The following FRMD4A variants were observed in gnomAD, a reference collection of about 807,000 sequenced individuals.
FRMD4A encodes the protein FERM domain-containing protein 4A.
Under a neutral mutation model 129.1 loss-of-function variants are expected in FRMD4A, and 29 were observed. The ratio of observed to expected loss-of-function variants is 0.22; its 90% CI spans 0.17 to 0.31. The LOEUF (loss-of-function observed/expected upper bound fraction) is 0.31. FRMD4A is among the 10% of genes least tolerant of loss of function. The pLI, the probability that FRMD4A is intolerant of heterozygous loss-of-function variation, is 1.00. For synonymous variants in FRMD4A, 634 were observed against 571.6 expected, an observed-to-expected ratio of 1.11 and a Z score of -1.56; for missense variants, 1,272 against 1,375.8, an observed-to-expected ratio of 0.92 and a Z score of 1.19.
At chr10:13,763,640 T>C (rs770607803) in intron 6 of FRMD4A, among the ~76,000 whole-genome samples, 1 of 152,224 alleles carries the variant, frequency 6.6e-6, no homozygotes, top group Non-Finnish European at 1.5e-5. Context: ...CTTAAACCTC[T>C]CCTTGGTTTT....
chr10:14,031,556 C>A (rs2131662455), intron 2 of FRMD4A, among the ~76,000 whole-genome samples: 1 of 152,298 alleles, frequency 6.6e-6, no homozygotes, highest in African/African-American at 2.4e-5. Flanking sequence ...GCACACCCAG[C>A]CTTACAGATG....
At chr10:13,857,751 A>G (rs2094233746) in intron 3 of FRMD4A, among the ~76,000 whole-genome samples, 1 of 152,222 alleles carries the variant, frequency 6.6e-6, no homozygotes, top group South Asian at 2.1e-4. Context: ...AATGAGACAC[A>G]ATGCTCTAGG....
intron 2 of FRMD4A, among the ~76,000 whole-genome samples, chr10:14,304,075 T>A (rs1269522818): frequency 2.0e-5 from 3 of 152,220 alleles, no homozygotes; most frequent in Admixed American, 1.3e-4. Context: ...TTGGCCACTA[T>A]GAATAATGCT....
chr10:14,121,582 T>G (rs1017637416), intron 2 of FRMD4A, among the ~76,000 whole-genome samples: 1 of 151,470 alleles, frequency 6.6e-6, no homozygotes, highest in African/African-American at 2.4e-5. Context: ...CACTGAGAGG[T>G]GTGAAAGGGC....
intron 2 of FRMD4A, among the ~76,000 whole-genome samples, chr10:14,226,141 G>C (rs1442753203): frequency 3.3e-5 from 5 of 152,140 alleles, no homozygotes; most frequent in Admixed American, 3.3e-4. Flanking sequence ...TTTACTTTAA[G>C]TTCTTGATAC....
At chr10:13,654,731 CCATTTTCTACCCACTA>C (rs2081991646) in intron 22 of FRMD4A, 1 of 568,924 alleles carries the variant, frequency 1.8e-6, no homozygotes, top group Admixed American at 3.2e-5. Flanking sequence ...CCCACCCATT[CCATTTTCTACCCACTA>C]CCATGCACCT....
chr10:14,181,379 C>G (rs191737908), intron 2 of FRMD4A, among the ~76,000 whole-genome samples: 1 of 152,114 alleles, frequency 6.6e-6, no homozygotes, highest in East Asian at 1.9e-4. Flanking sequence ...AGATCGCTGC[C>G]CCGTGTTTGC....
At chr10:13,971,832 TC>T (rs1416469782) in intron 2 of FRMD4A, 16 of 1,303,980 alleles carry the variant, frequency 1.2e-5, no homozygotes, top group Non-Finnish European at 1.5e-5. Flanking sequence ...AACCCTCTGG[TC>T]CCTGGCCCCA....
intron 6 of FRMD4A, among the ~76,000 whole-genome samples, chr10:13,781,119 A>G (rs1396085501): frequency 6.6e-6 from 1 of 151,962 alleles, no homozygotes; most frequent in Admixed American, 6.6e-5. Context: ...CCTGGCCAAC[A>G]TGGTGAAACC....
At chr10:14,134,038 G>T (rs1208498812) in intron 2 of FRMD4A, among the ~76,000 whole-genome samples, 1 of 152,142 alleles carries the variant, frequency 6.6e-6, no homozygotes, top group East Asian at 1.9e-4. Context: ...TCTCCTCTTT[G>T]CTTTAACTGC....
chr10:13,997,022 CAAAACA>C (rs986723177), intron 2 of FRMD4A, among the ~76,000 whole-genome samples: 28 of 131,504 alleles, frequency 2.1e-4, no homozygotes, highest in African/African-American at 9.7e-4. Flanking sequence ...CAAAACAAAA[CAAAACA>C]AAACAGGTTT....
intron 2 of FRMD4A, among the ~76,000 whole-genome samples, chr10:14,193,470 C>T (rs987587045): frequency 7.4e-6 from 1 of 135,520 alleles, no homozygotes; most frequent in African/African-American, 2.8e-5. Context: ...ACCCACCCAC[C>T]CACCCACACA....
At chr10:13,836,141 G>A (rs1417707033) in intron 3 of FRMD4A, among the ~76,000 whole-genome samples, 7 of 152,208 alleles carry the variant, frequency 4.6e-5, no homozygotes, top group South Asian at 4.1e-4. Flanking sequence ...GGGACTACAC[G>A]TGTGAGCTAC....
intron 2 of FRMD4A, among the ~76,000 whole-genome samples, chr10:14,077,212 C>T (rs925494195): frequency 1.3e-5 from 2 of 152,174 alleles, no homozygotes; most frequent in African/African-American, 4.8e-5. Flanking sequence ...GGATGATCCC[C>T]AAGACAAAAA....
At chr10:14,010,571 T>C (rs2131634600) in intron 2 of FRMD4A, among the ~76,000 whole-genome samples, 1 of 143,912 alleles carries the variant, frequency 6.9e-6, no homozygotes, top group South Asian at 2.4e-4. Context: ...ATTTCAAGGC[T>C]CTCAAAGGTT....
At position 14,267,223 on chromosome 10, in the gene FRMD4A, T is replaced by C. The variant is rs12268822; in HGVS notation, c.45+62835A>G. Among the ~76,000 whole-genome samples, 1,196 of 152,330 alleles carry C rather than the reference T, an allele frequency of 7.9e-3. 14 individuals carry two copies. Among genetic ancestry groups the C allele is most frequent in the South Asian group, 0.052 (252 of 4,826 alleles). On this transcript the variant is annotated intron_variant, in intron 2 of 24. Transcript: ENST00000357447. ...CTATTTTTATAAATTTCATGTCTCT[T>C]TCAGACACATGACGCTCTGTGTGTG... is the stretch of plus-strand genomic sequence containing the variant.
intron 2 of FRMD4A, among the ~76,000 whole-genome samples, chr10:14,205,533 G>A (rs1196903124): frequency 6.6e-6 from 1 of 152,114 alleles, no homozygotes; most frequent in Non-Finnish European, 1.5e-5. Context: ...TGGGCCGGGT[G>A]CGGTGGCTTA....
At chr10:14,233,296 G>T (rs1843695587) in intron 2 of FRMD4A, among the ~76,000 whole-genome samples, 1 of 152,224 alleles carries the variant, frequency 6.6e-6, no homozygotes, top group South Asian at 2.1e-4. Context: ...CTGGCTAGGA[G>T]CAGTGGCTCA....
chr10:13,906,649 T>G (rs1422378561), intron 2 of FRMD4A, among the ~76,000 whole-genome samples: 1 of 152,194 alleles, frequency 6.6e-6, no homozygotes, highest in Non-Finnish European at 1.5e-5. Flanking sequence ...GGTTTGAGCC[T>G]CATAGGTAAC....
Sources: gnomAD v4.1 joint callset for allele counts (sites outside exome capture counted in the v4.1 genomes callset) on GRCh38, gnomAD v4.1.1 for gene constraint, MANE v1.5 for transcripts, NCBI Gene and HGNC (gene_info 2026-07-23, HGNC 2026-07-21) for gene names.